Variants in CSMD3 observed in about 807,000 individuals in gnomAD.
CSMD3 encodes the protein CUB and sushi domain-containing protein 3.
Under a neutral mutation model 435.2 loss-of-function variants are expected in CSMD3, and 177 were observed. The ratio of observed to expected loss-of-function variants is 0.41; its 90% CI spans 0.36 to 0.46. CSMD3 has a LOEUF of 0.46. CSMD3 is among the 20% of genes least tolerant of loss of function. The pLI is 0.34. For synonymous variants in CSMD3, 1,656 were observed against 1,520.5 expected, an observed-to-expected ratio of 1.09 and a Z score of -2.07; for missense variants, 4,265 against 4,504.6, an observed-to-expected ratio of 0.95 and a Z score of 1.52.
intron 10 of CSMD3, among the ~76,000 whole-genome samples, chr8:112,865,689 CACACA>C (rs2080960608): frequency 5.0e-5 from 1 of 19,820 alleles, no homozygotes; most frequent in African/African-American, 1.9e-4. Context: ...ACATACCCCA[CACACA>C]CACACACACA....
chr8:112,910,841 T>C (rs1242469149), intron 10 of CSMD3, among the ~76,000 whole-genome samples: 1 of 151,902 alleles, frequency 6.6e-6, no homozygotes, highest in African/African-American at 2.4e-5. Flanking sequence ...ACATCACTAA[T>C]TCCAGTGAAA....
intron 50 of CSMD3, chr8:112,310,404 T>A (rs1821861684): frequency 6.5e-6 from 1 of 154,122 alleles, no homozygotes; most frequent in African/African-American, 2.4e-5. Context: ...AACAAGCTTG[T>A]TATTCTTTTT....
intron 13 of CSMD3, among the ~76,000 whole-genome samples, chr8:112,767,929 G>A (rs1032624040): frequency 9.2e-5 from 14 of 151,828 alleles, no homozygotes; most frequent in African/African-American, 3.1e-4. Context: ...AAGTCTGGCT[G>A]TACATTAGAA....
At chr8:112,269,271 A>C (rs1817241878) in intron 59 of CSMD3, among the ~76,000 whole-genome samples, 1 of 152,160 alleles carries the variant, frequency 6.6e-6, no homozygotes, top group Admixed American at 6.6e-5. Context: ...GAGAATTTTC[A>C]GATTTGTGAC....
intron 1 of CSMD3, among the ~76,000 whole-genome samples, chr8:113,382,431 G>T (rs1319577031): frequency 1.3e-5 from 2 of 151,832 alleles, no homozygotes; most frequent in Non-Finnish European, 2.9e-5. Context: ...ATCCATTTTA[G>T]TCCTTTATCA....
At chr8:112,650,862 T>C (rs1480180448) in intron 18 of CSMD3, among the ~76,000 whole-genome samples, 2 of 75,202 alleles carry the variant, frequency 2.7e-5, no homozygotes, top group Non-Finnish European at 5.6e-5. Context: ...TACACTTCAG[T>C]GTCTCCTGAT....
intron 6 of CSMD3, among the ~76,000 whole-genome samples, chr8:112,984,726 C>T (rs186191152): frequency 1.8e-4 from 28 of 152,154 alleles, no homozygotes; most frequent in African/African-American, 5.8e-4. Context: ...CAAACTACTT[C>T]GGCTTTACAT....
chr8:113,131,018 G>A (rs745597437), intron 4 of CSMD3, among the ~76,000 whole-genome samples: 7 of 152,144 alleles, frequency 4.6e-5, no homozygotes, highest in Non-Finnish European at 8.8e-5. Context: ...AAGGAGCAAA[G>A]TGTTCAAGAA....
chr8:112,862,224 A>G (rs939254865), intron 10 of CSMD3, among the ~76,000 whole-genome samples: 21 of 152,044 alleles, frequency 1.4e-4, no homozygotes, highest in African/African-American at 4.8e-4. Context: ...CAAGTTGTAT[A>G]TCTACAGACA....
At chr8:112,407,876 A>C (rs1382044240) in intron 34 of CSMD3, among the ~76,000 whole-genome samples, 1 of 152,052 alleles carries the variant, frequency 6.6e-6, no homozygotes, top group African/African-American at 2.4e-5. Context: ...AGAAAGTTTT[A>C]ATTCTCCTGA....
chr8:113,429,576 A>T (rs2094658118), intron 1 of CSMD3, among the ~76,000 whole-genome samples: 1 of 152,000 alleles, frequency 6.6e-6, no homozygotes, highest in South Asian at 2.1e-4. Context: ...TCACTCCATA[A>T]TTATCTCCTT....
intron 1 of CSMD3, among the ~76,000 whole-genome samples, chr8:113,366,418 T>C (rs1470193427): frequency 1.3e-5 from 2 of 151,930 alleles, no homozygotes; most frequent in East Asian, 1.9e-4. Context: ...ACCAGAAATA[T>C]CATGAGGAAA....
chr8:113,090,365 T>G, intron 5 of CSMD3, among the ~76,000 whole-genome samples: 2 of 151,062 alleles, frequency 1.3e-5, no homozygotes, highest in Middle Eastern at 6.8e-3. Context: ...ATGAAAAAAT[T>G]TGAAATATTT....
intron 69 of CSMD3, among the ~76,000 whole-genome samples, chr8:112,229,889 TAAAA>T (rs60494083): frequency 7.1e-6 from 1 of 141,596 alleles, no homozygotes; most frequent in African/African-American, 2.6e-5. Flanking sequence ...CAGCCGAGAT[TAAAA>T]AAAAAAAAAA....
intron 22 of CSMD3, among the ~76,000 whole-genome samples, chr8:112,615,428 C>T (rs947479216): frequency 2.0e-5 from 3 of 152,096 alleles, no homozygotes; most frequent in Admixed American, 6.6e-5. Flanking sequence ...ATTACTGAAC[C>T]TGCAAATTTT....
chr8:112,261,909 G>GA (rs916195682), intron 61 of CSMD3, among the ~76,000 whole-genome samples: 29 of 147,720 alleles, frequency 2.0e-4, no homozygotes, highest in Non-Finnish European at 2.8e-4. Context: ...TTTTATTTTA[G>GA]AAAAAAAAAT....
At chr8:112,261,952 T>C (rs1467825652) in intron 61 of CSMD3, among the ~76,000 whole-genome samples, 1 of 152,058 alleles carries the variant, frequency 6.6e-6, no homozygotes, top group African/African-American at 2.4e-5. Flanking sequence ...GTCATTGTTT[T>C]CACACATATT....
intron 49 of CSMD3, among the ~76,000 whole-genome samples, chr8:112,312,771 A>T: frequency 6.6e-6 from 1 of 152,334 alleles, no homozygotes; most frequent in South Asian, 2.1e-4. Flanking sequence ...TATTCTATTC[A>T]TACATTTTAT....
At chr8:112,322,964 C>A (rs1438678062) in intron 45 of CSMD3, among the ~76,000 whole-genome samples, 2 of 152,002 alleles carry the variant, frequency 1.3e-5, no homozygotes, top group African/African-American at 4.8e-5. Context: ...AAGAGGGAAG[C>A]AGTCTCTCAA....
Sources: allele counts gnomAD v4.1 joint callset (sites outside exome capture counted in the v4.1 genomes callset), GRCh38; gene constraint gnomAD v4.1.1; transcripts MANE v1.5; gene names NCBI Gene and HGNC (gene_info 2026-07-23, HGNC 2026-07-21).